The following PIK3C2G variants were observed in gnomAD, a reference collection of about 807,000 sequenced individuals.
The protein encoded by PIK3C2G is phosphatidylinositol-4-phosphate 3-kinase catalytic subunit type 2 gamma.
Under a neutral mutation model 181.1 loss-of-function variants are expected in PIK3C2G, and 168 were observed. The ratio of observed to expected loss-of-function variants is 0.93; its 90% confidence interval spans 0.82 to 1.05. The LOEUF (loss-of-function observed/expected upper bound fraction) is 1.05. Among genes scored for constraint, PIK3C2G ranks in the 50% least tolerant of loss-of-function variants. PIK3C2G has a pLI of 0.00. For missense variants in PIK3C2G, 1,869 were observed against 1,732.8 expected (o/e 1.08, Z -1.40); for synonymous variants, 573 against 592.2 (o/e 0.97, Z 0.47).
chr12:18,683,670 G>T, the PIK3C2G span: 1 of 1,279,556 alleles, frequency 7.8e-7, no homozygotes, highest in Non-Finnish European at 1.0e-6. Context: ...AGGTAATTGG[G>T]AGCACAGTGT....
chr12:18,487,820 T>C (rs926874672), intron 18 of PIK3C2G, among the ~76,000 whole-genome samples: 2 of 152,112 alleles, frequency 1.3e-5, no homozygotes, highest in Non-Finnish European at 2.9e-5. Flanking sequence ...TACAGCTCTA[T>C]AGCTTTATAG....
At chr12:18,620,979 C>G (rs1459272590) in intron 31 of PIK3C2G, among the ~76,000 whole-genome samples, 1 of 151,798 alleles carries the variant, frequency 6.6e-6, no homozygotes, top group Non-Finnish European at 1.5e-5. Context: ...TATATTTTAC[C>G]TCTAAATTAG....
At chr12:18,384,102 G>T (rs558787718) in intron 14 of PIK3C2G, among the ~76,000 whole-genome samples, 75 of 151,474 alleles carry the variant, frequency 5.0e-4, no homozygotes, top group Non-Finnish European at 1.0e-3. Flanking sequence ...GATTACAGGC[G>T]TGAGCCACTG....
chr12:18,408,841 T>G (rs939659561), intron 16 of PIK3C2G, among the ~76,000 whole-genome samples: 3 of 152,054 alleles, frequency 2.0e-5, no homozygotes, highest in African/African-American at 7.2e-5. Context: ...ATAAAAACCA[T>G]AATGAGATAC....
At chr12:18,467,294 G>A (rs1257758246) in intron 18 of PIK3C2G, among the ~76,000 whole-genome samples, 2 of 151,900 alleles carry the variant, frequency 1.3e-5, no homozygotes, top group Non-Finnish European at 2.9e-5. Flanking sequence ...ATCATTCCAG[G>A]TATAGGTGTA....
intron 24 of PIK3C2G, among the ~76,000 whole-genome samples, chr12:18,513,226 A>C (rs1942325780): frequency 6.6e-6 from 1 of 151,802 alleles, no homozygotes; most frequent in South Asian, 2.1e-4. Flanking sequence ...TTTTGCATCT[A>C]CGTTAATTAG....
rs150189552 is a variant in PIK3C2G at position 18,386,325 on chromosome 12, A to C, written c.1995+4445A>C. On this transcript the variant is annotated intron_variant, in intron 14 of 32. Transcript: ENST00000538779. ...ACATACCATACTATCCTCCCATTTA[A>C]AGTGTGCGATTCAGTAGTTTTTAGT... 5.3e-3 allele frequency among the ~76,000 whole-genome samples: 802 copies of C among 152,238 alleles called. 9 individuals are homozygous for C. Among genetic ancestry groups the C allele is most frequent in the Middle Eastern group, 0.014 (4 of 294 alleles).
the PIK3C2G span, chr12:18,699,887 A>G: frequency 6.2e-6 from 10 of 1,612,826 alleles, no homozygotes; most frequent in African/African-American, 6.7e-5. Context: ...AAGCTTTTGA[A>G]TTTCTCAGCT....
intron 1 of PIK3C2G, among the ~76,000 whole-genome samples, chr12:18,280,330 T>C (rs1949157439): frequency 6.6e-6 from 1 of 151,998 alleles, no homozygotes; most frequent in African/African-American, 2.4e-5. Context: ...GGTGTAATTA[T>C]TAGTCCCAAT....
intron 28 of PIK3C2G, among the ~76,000 whole-genome samples, chr12:18,563,884 C>A: frequency 6.6e-6 from 1 of 150,818 alleles, no homozygotes; most frequent in East Asian, 1.9e-4. Context: ...ACTTTTTCAA[C>A]AAATAACTGT....
chr12:18,313,108 G>A (rs552424858), intron 5 of PIK3C2G, among the ~76,000 whole-genome samples: 1 of 152,082 alleles, frequency 6.6e-6, no homozygotes, highest in South Asian at 2.1e-4. Context: ...TTTTCTCAAT[G>A]ACTAAAAGTC....
the PIK3C2G span, among the ~76,000 whole-genome samples, chr12:18,712,347 G>T: frequency 6.6e-6 from 1 of 152,034 alleles, no homozygotes; most frequent in African/African-American, 2.4e-5. Flanking sequence ...TAACTATATC[G>T]TTGAATCTGT....
At chr12:18,450,632 G>A (rs1421432366) in intron 18 of PIK3C2G, among the ~76,000 whole-genome samples, 1 of 152,112 alleles carries the variant, frequency 6.6e-6, no homozygotes, top group East Asian at 1.9e-4. Context: ...TGCTTTTGGT[G>A]TTTTAGTCAT....
chr12:18,257,579 A>T (rs1444893305), upstream of PIK3C2G, among the ~76,000 whole-genome samples: 4 of 151,954 alleles, frequency 2.6e-5, no homozygotes, highest in Non-Finnish European at 5.9e-5. Context: ...AAGAATAGAT[A>T]CTGCAGTATT....
intron 31 of PIK3C2G, among the ~76,000 whole-genome samples, chr12:18,630,480 A>C (rs1949303465): frequency 6.6e-6 from 1 of 152,176 alleles, no homozygotes; most frequent in Non-Finnish European, 1.5e-5. Flanking sequence ...TTTTAATTGA[A>C]GATTTAGAAA....
chr12:18,606,504 T>C (rs1441166394), intron 30 of PIK3C2G, among the ~76,000 whole-genome samples: 1 of 152,120 alleles, frequency 6.6e-6, no homozygotes, highest in African/African-American at 2.4e-5. Flanking sequence ...ATATTATAAG[T>C]GATTTTTTCT....
At chr12:18,492,332 C>A (rs1296381778) in intron 20 of PIK3C2G, among the ~76,000 whole-genome samples, 2 of 152,010 alleles carry the variant, frequency 1.3e-5, no homozygotes, top group African/African-American at 4.8e-5. Context: ...GAAAACAAAC[C>A]CAATAATTAG....
chr12:18,540,757 G>C (rs927669513), intron 25 of PIK3C2G, among the ~76,000 whole-genome samples: 19 of 151,864 alleles, frequency 1.3e-4, no homozygotes, highest in African/African-American at 4.1e-4. Context: ...CACTAATCCA[G>C]AGTAAACATA....
At chr12:18,315,264 T>C (rs917277214) in intron 6 of PIK3C2G, among the ~76,000 whole-genome samples, 2 of 152,128 alleles carry the variant, frequency 1.3e-5, no homozygotes, top group East Asian at 3.9e-4. Context: ...ATCTTTTGGA[T>C]CTTGTGCTCA....
Sources: gnomAD v4.1 joint callset for allele counts (sites outside exome capture counted in the v4.1 genomes callset) on GRCh38, gnomAD v4.1.1 for gene constraint, MANE v1.5 for transcripts, NCBI Gene and HGNC (gene_info 2026-07-23, HGNC 2026-07-21) for gene names.